The following SCIN variants were observed in gnomAD, a reference collection of about 807,000 sequenced individuals.
SCIN encodes adseverin.
Under a neutral mutation model 91.8 loss-of-function variants are expected in SCIN, and 91 were observed. The ratio of observed to expected loss-of-function variants is 0.99; its 90% CI spans 0.84 to 1.18. The LOEUF is 1.18. SCIN is among the 50% of genes most tolerant of loss of function. The pLI, the probability that SCIN is intolerant of heterozygous loss-of-function variation, is 0.00. For synonymous variants in SCIN, 367 were observed against 312.6 expected (o/e 1.17, Z -1.84); for missense variants, 1,087 against 863.9 (o/e 1.26, Z -3.24).
intron 9 of SCIN, among the ~76,000 whole-genome samples, chr7:12,633,034 G>T (rs957201496): frequency 5.3e-5 from 8 of 152,186 alleles, no homozygotes; most frequent in African/African-American, 1.9e-4. Flanking sequence ...CTTCCATAAA[G>T]ATAGTGAAGA....
chr7:12,615,744 T>C (rs1783286419), intron 4 of SCIN, among the ~76,000 whole-genome samples: 1 of 152,068 alleles, frequency 6.6e-6, no homozygotes, highest in South Asian at 2.1e-4. Flanking sequence ...ATGTATAGCA[T>C]AGAAGTTATG....
intron 10 of SCIN, among the ~76,000 whole-genome samples, chr7:12,639,763 T>A (rs1351177823): frequency 1.3e-5 from 2 of 152,220 alleles, no homozygotes; most frequent in African/African-American, 4.8e-5. Flanking sequence ...ACATATTCTG[T>A]TTATTTTTGC....
At chr7:12,575,828 T>C (rs905702149) in intron 1 of SCIN, among the ~76,000 whole-genome samples, 11 of 152,172 alleles carry the variant, frequency 7.2e-5, no homozygotes, top group African/African-American at 2.7e-4. Flanking sequence ...CTAAATACTT[T>C]CTGGAATTCC....
chr7:12,633,366 T>C (rs1402936201), intron 9 of SCIN, among the ~76,000 whole-genome samples: 1 of 152,220 alleles, frequency 6.6e-6, no homozygotes, highest in Non-Finnish European at 1.5e-5. Context: ...CACAGGTTTA[T>C]AAAGAAAAAA....
intron 4 of SCIN, among the ~76,000 whole-genome samples, chr7:12,621,349 C>A (rs1457462981): frequency 6.6e-6 from 1 of 152,124 alleles, no homozygotes; most frequent in Non-Finnish European, 1.5e-5. Context: ...CAATTCCCAA[C>A]TATGCTGCAG....
At chr7:12,631,829 A>G (rs1328713457) in intron 9 of SCIN, among the ~76,000 whole-genome samples, 3 of 152,198 alleles carry the variant, frequency 2.0e-5, no homozygotes, top group African/African-American at 4.8e-5. Flanking sequence ...AGAAAAAGTG[A>G]CATTGAAGTG....
In SCIN at chr7:12,644,602, T is replaced by G. The variant is rs775694647; in HGVS notation, c.1778T>G (p.Leu593Arg). Residue 593 changes from leucine (L) to arginine (R), a missense_variant, in exon 13 of 16, where the codon CTT becomes CGT. Leu to Arg is a moderately radical substitution (Grantham distance 102). Coordinates refer to ENST00000297029, the MANE Select transcript of SCIN (RefSeq NM_001112706.3). ...TCCACAGAGGAGTTCTGGAATTCCC[T>G]TGGAGGGAAAAAAGACTACCAGACC... Reference protein sequence around the residue: ...GEEPEEFWNSLGGKKDYQTSP... With the variant: ...GEEPEEFWNSRGGKKDYQTSP... The G allele has an allele frequency of 2.0e-5, 32 of 1,610,830 alleles. No individual in the cohort carries two copies. The highest frequency in any genetic ancestry group is 2.7e-5 in the Non-Finnish European group (32 of 1,178,586).
chr7:12,577,325 C>G (rs1453054110), intron 1 of SCIN, among the ~76,000 whole-genome samples: 1 of 152,114 alleles, frequency 6.6e-6, no homozygotes, highest in Non-Finnish European at 1.5e-5. Context: ...AATTATGGCT[C>G]TGATGCTCAT....
intron 9 of SCIN, among the ~76,000 whole-genome samples, chr7:12,634,664 G>A (rs1349042331): frequency 6.6e-6 from 1 of 152,112 alleles, no homozygotes; most frequent in Non-Finnish European, 1.5e-5. Context: ...AATAAATAAT[G>A]CTCAATGAAT....
In SCIN at chr7:12,638,179, A is replaced by G. The variant is rs1045372131; in HGVS notation, c.1410+2044A>G. Among the ~76,000 whole-genome samples, 8 of 152,214 alleles carry G rather than the reference A, an allele frequency of 5.3e-5. No individual in the cohort carries two copies. In the South Asian group the frequency reaches 1.0e-3, roughly 20 times the overall value. On this transcript the variant is annotated intron_variant, in intron 10 of 15. Transcript: ENST00000297029. Reference sequence around the variant, plus strand: ...GACATACAGACTTCAAGAAGACCCTATTTTCCTCTAGTGTGCCCCAATGTG... The same window carrying G: ...GACATACAGACTTCAAGAAGACCCTGTTTTCCTCTAGTGTGCCCCAATGTG...
At chr7:12,627,029 G>A (rs1265995461) in intron 8 of SCIN, among the ~76,000 whole-genome samples, 1 of 151,992 alleles carries the variant, frequency 6.6e-6, no homozygotes, top group Non-Finnish European at 1.5e-5. Flanking sequence ...GGTGGAGGCT[G>A]CAGTGAGCCA....
At chr7:12,645,925 T>A (rs1329037155) in intron 13 of SCIN, among the ~76,000 whole-genome samples, 1 of 152,250 alleles carries the variant, frequency 6.6e-6, no homozygotes, top group Non-Finnish European at 1.5e-5. Flanking sequence ...GTTAATTTAA[T>A]AATTTGGCAT....
intron 1 of SCIN, 192 bp downstream of exon 1, chr7:12,571,177 G>C (rs964967608): frequency 8.0e-6 from 5 of 627,174 alleles, no homozygotes; most frequent in African/African-American, 7.4e-5. Context: ...GCAAACGCGG[G>C]GCTCAGGCGT....
chr7:12,648,054 A>T (rs373971830), intron 13 of SCIN, among the ~76,000 whole-genome samples: 6 of 152,192 alleles, frequency 3.9e-5, no homozygotes, highest in African/African-American at 1.4e-4. Flanking sequence ...GGGGGTTTTC[A>T]CTCAGAATTC....
chr7:12,581,994 T>G (rs578061846), intron 3 of SCIN, among the ~76,000 whole-genome samples: 131 of 152,342 alleles, frequency 8.6e-4, no homozygotes, highest in Non-Finnish European at 1.5e-3. Context: ...TATAAGGCTC[T>G]CCTCTTCCTG....
rs1554298408 is a variant in SCIN at position 12,657,572 on chromosome 7, A to ATATATATATATATATATATTT, written c.*4858_*4859insATATATATATATATATATTTT. The ATATATATATATATATATATTT allele has an allele frequency of 4.5e-5, 1 of 22,078 alleles. No homozygotes were observed. The highest frequency in any genetic ancestry group is 1.3e-4 in the Non-Finnish European group (1 of 7,720). 1.4% of individuals were successfully genotyped at this position (22,078 alleles called of 1,614,324 possible). On this transcript the variant is annotated 3_prime_UTR_variant, in exon 16 of 16. Coordinates refer to ENST00000297029, the MANE Select transcript of SCIN (RefSeq NM_001112706.3). ...TATATATATATATATATATATATAT[A>ATATATATATATATATATATTT]TTTTTTTTTTTTTTTTTTTTTTTTT...
At chr7:12,623,141 G>T (rs528391704) in intron 5 of SCIN, among the ~76,000 whole-genome samples, 15 of 152,126 alleles carry the variant, frequency 9.9e-5, no homozygotes, top group Admixed American at 5.2e-4. Context: ...ATTATATATT[G>T]TTGCTGTACT....
chr7:12,610,513 C>T (rs1455175523), intron 4 of SCIN, among the ~76,000 whole-genome samples: 1 of 152,184 alleles, frequency 6.6e-6, no homozygotes, highest in African/African-American at 2.4e-5. Flanking sequence ...ACTCATTGCC[C>T]ACTCGTATTT....
In SCIN at chr7:12,598,992, A is replaced by T. The variant is rs1782901550; in HGVS notation, c.517-5522A>T. Among the ~76,000 whole-genome samples the T allele has an allele frequency of 1.3e-5, 2 of 152,198 alleles. 1 individual carries two copies. The highest frequency in any genetic ancestry group is 4.1e-4 in the South Asian group (2 of 4,834). On this transcript the variant is annotated intron_variant, in intron 3 of 15. Coordinates refer to ENST00000297029, the MANE Select transcript of SCIN (RefSeq NM_001112706.3). ...AGCATTCTGACTTTTAGCCATTTAC[A>T]ATTAAAGTTATTATTTTATTAAATT...
Sources: allele counts gnomAD v4.1 joint callset (sites outside exome capture counted in the v4.1 genomes callset), GRCh38; gene constraint gnomAD v4.1.1; transcripts MANE v1.5; gene names NCBI Gene and HGNC (gene_info 2026-07-23, HGNC 2026-07-21).